Variants in CSMD1 observed in about 807,000 individuals in gnomAD.
The protein encoded by CSMD1 is CUB and Sushi multiple domains 1, also known as CUB and sushi domain-containing protein 1.
A neutral mutation model predicts 417.5 loss-of-function variants in CSMD1; 213 were observed. That is an observed-to-expected ratio of 0.51 (90% confidence interval 0.46 to 0.57). The LOEUF (loss-of-function observed/expected upper bound fraction) is 0.57, where lower values mean the gene tolerates loss of function less well. Ranked by LOEUF, CSMD1 falls within the 20% of genes least tolerant of loss-of-function variation. The probability of loss-of-function intolerance (pLI) is 0.00; values close to 1 mark genes in which losing one functional copy is unlikely to be tolerated. For synonymous variants in CSMD1, 2,862 were observed against 1,736.8 expected (o/e 1.65, Z -16.11); for missense variants, 6,923 against 4,529.7 (o/e 1.53, Z -15.17).
At chr8:4,132,220 G>A (rs1026109973) in intron 3 of CSMD1, among the ~76,000 whole-genome samples, 2 of 146,550 alleles carry the variant, frequency 1.4e-5, no homozygotes, top group African/African-American at 5.1e-5. Context: ...TTTTTTCACG[G>A]GGTAGTAATA....
intron 3 of CSMD1, among the ~76,000 whole-genome samples, chr8:4,213,321 G>C (rs915384503): frequency 6.6e-6 from 1 of 152,084 alleles, no homozygotes; most frequent in African/African-American, 2.4e-5. Context: ...CTCTGCTCCA[G>C]ACATGCAATT....
At chr8:3,959,306 G>A (rs1197792377) in intron 5 of CSMD1, among the ~76,000 whole-genome samples, 1 of 152,154 alleles carries the variant, frequency 6.6e-6, no homozygotes, top group Non-Finnish European at 1.5e-5. Flanking sequence ...GGATCAGCCT[G>A]GGCAACATGG....
chr8:3,205,445 G>A (rs1370114787), intron 31 of CSMD1, 59 bp downstream of exon 31: 1 of 884,112 alleles, frequency 1.1e-6, no homozygotes, highest in Middle Eastern at 2.5e-4. Context: ...TCAAATGACA[G>A]AAAAATTAAC....
At chr8:3,636,980 C>G (rs558596575) in intron 7 of CSMD1, among the ~76,000 whole-genome samples, 2 of 152,262 alleles carry the variant, frequency 1.3e-5, no homozygotes, top group South Asian at 4.1e-4. Context: ...ATTTGTCTCT[C>G]TCTCTCTTTC....
chr8:3,686,721 C>T (rs928316852), intron 7 of CSMD1, among the ~76,000 whole-genome samples: 1 of 152,206 alleles, frequency 6.6e-6, no homozygotes, highest in Non-Finnish European at 1.5e-5. Flanking sequence ...GTCCCTTGGC[C>T]TTGCCACGTT....
intron 4 of CSMD1, among the ~76,000 whole-genome samples, chr8:4,020,850 A>T (rs1420480940): frequency 6.6e-6 from 1 of 152,200 alleles, no homozygotes; most frequent in Non-Finnish European, 1.5e-5. Flanking sequence ...TCTTTTGCCT[A>T]AACTAATTTT....
chr8:4,917,669 A>G (rs753723706), intron 1 of CSMD1, among the ~76,000 whole-genome samples: 1 of 152,206 alleles, frequency 6.6e-6, no homozygotes, highest in Non-Finnish European at 1.5e-5. Context: ...ATAAAAAATA[A>G]AATAAGAGAT....
chr8:3,924,818 A>C (rs1263510723), intron 5 of CSMD1, among the ~76,000 whole-genome samples: 2 of 152,202 alleles, frequency 1.3e-5, no homozygotes, highest in Non-Finnish European at 2.9e-5. Context: ...CACTGAAGTT[A>C]AGATGATAAT....
chr8:4,649,817 C>A (rs780095420), intron 1 of CSMD1, among the ~76,000 whole-genome samples: 1 of 152,210 alleles, frequency 6.6e-6, no homozygotes, highest in African/African-American at 2.4e-5. Context: ...AGTAACTATT[C>A]TGACCTGATA....
intron 1 of CSMD1, among the ~76,000 whole-genome samples, chr8:4,773,106 T>A (rs2164902): frequency 3.9e-5 from 6 of 151,932 alleles, no homozygotes; most frequent in East Asian, 3.9e-4. Context: ...TTGGGAATAT[T>A]TGCATATATA....
chr8:4,443,075 G>C (rs1038784412), intron 2 of CSMD1, among the ~76,000 whole-genome samples: 1 of 152,154 alleles, frequency 6.6e-6, no homozygotes, highest in East Asian at 1.9e-4. Context: ...AGAGTCAGAG[G>C]TGGTATCTGC....
intron 7 of CSMD1, among the ~76,000 whole-genome samples, chr8:3,646,701 C>A (rs1314240420): frequency 6.6e-6 from 1 of 152,160 alleles, no homozygotes; most frequent in Admixed American, 6.5e-5. Context: ...AGCCCTCCTT[C>A]TAAACAGCGC....
intron 37 of CSMD1, among the ~76,000 whole-genome samples, chr8:3,179,154 C>T (rs556964077): frequency 6.6e-5 from 10 of 151,334 alleles, no homozygotes; most frequent in South Asian, 2.1e-4. Flanking sequence ...AACGTGTTAG[C>T]CAGGACTGTC....
intron 1 of CSMD1, among the ~76,000 whole-genome samples, chr8:4,917,938 T>C (rs1806181660): frequency 6.6e-6 from 1 of 152,194 alleles, no homozygotes; most frequent in Non-Finnish European, 1.5e-5. Context: ...CAGAAGTTGA[T>C]ACAGAAAATA....
chr8:3,889,317 A>G (rs1476058668), intron 5 of CSMD1, among the ~76,000 whole-genome samples: 2 of 151,500 alleles, frequency 1.3e-5, no homozygotes, highest in Non-Finnish European at 2.9e-5. Flanking sequence ...GAAAAGAAGA[A>G]GAGACGATAA....
intron 11 of CSMD1, among the ~76,000 whole-genome samples, chr8:3,483,089 G>A (rs1817835793): frequency 6.6e-6 from 1 of 151,986 alleles, no homozygotes; most frequent in Non-Finnish European, 1.5e-5. Flanking sequence ...ATGCAAAATA[G>A]ACTCAAAGAA....
chr8:3,421,930 G>A (rs1018412890), intron 12 of CSMD1, among the ~76,000 whole-genome samples: 4 of 151,612 alleles, frequency 2.6e-5, no homozygotes, highest in South Asian at 2.1e-4. Context: ...GAGCCACGGC[G>A]CCCGGCCCCA....
chr8:4,673,993 G>A (rs780584528), intron 1 of CSMD1, among the ~76,000 whole-genome samples: 3 of 152,104 alleles, frequency 2.0e-5, no homozygotes, highest in Non-Finnish European at 4.4e-5. Flanking sequence ...ATCGAATTGT[G>A]CACTATACAG....
chr8:4,613,913 A>G lies in CSMD1; in HGVS notation c.302+23429T>C, dbSNP rs567102246. 4.6e-5 allele frequency among the ~76,000 whole-genome samples: 7 copies of G among 150,820 alleles called. No homozygotes were observed. In the East Asian group the frequency reaches 1.2e-3, roughly 25 times the overall value. On this transcript the variant is annotated intron_variant, in intron 2 of 69. Coordinates refer to ENST00000635120, the MANE Select transcript of CSMD1 (RefSeq NM_033225.6). ...TCAATCACTCCATCTTCTGTACTTG[A>G]AATTTAGTAGAGATAGAGAAGTTTT...
Sources: allele counts gnomAD v4.1 joint callset (sites outside exome capture counted in the v4.1 genomes callset), GRCh38; gene constraint gnomAD v4.1.1; transcripts MANE v1.5; gene names NCBI Gene and HGNC (gene_info 2026-07-23, HGNC 2026-07-21).